TOM1L2: variants seen among roughly 807,000 people sequenced by gnomAD.
TOM1L2 encodes target of myb1 like 2 membrane trafficking protein, also known as TOM1-like protein 2.
TOM1L2 carries 31 observed loss-of-function variants against 67.9 expected under a neutral mutation model. The observed-to-expected ratio is 0.46, with a 90% CI of 0.34 to 0.62. The LOEUF is 0.62. TOM1L2 is among the 20% of genes least tolerant of loss of function. The pLI, the probability that TOM1L2 is intolerant of heterozygous loss-of-function variation, is 0.01. For synonymous variants in TOM1L2, 256 were observed against 254.0 expected, an observed-to-expected ratio of 1.01 and a Z score of -0.07; for missense variants, 606 against 663.5, an observed-to-expected ratio of 0.91 and a Z score of 0.95.
chr17:17,965,759 G>C (rs1568405393), intron 1 of TOM1L2, among the ~76,000 whole-genome samples: 2 of 152,188 alleles, frequency 1.3e-5, no homozygotes, highest in Non-Finnish European at 2.9e-5. Flanking sequence ...TCGAATGACT[G>C]CAAGATGTAT....
At chr17:17,927,319 C>T (rs527317166) in intron 1 of TOM1L2, among the ~76,000 whole-genome samples, 1 of 152,174 alleles carries the variant, frequency 6.6e-6, no homozygotes, top group Non-Finnish European at 1.5e-5. Context: ...ATGTGAGTAA[C>T]GGGCAGAGAG....
intron 12 of TOM1L2, chr17:17,860,105 T>C (rs1450340602): frequency 6.6e-6 from 1 of 152,230 alleles, no homozygotes; most frequent in Non-Finnish European, 1.5e-5. Flanking sequence ...GAGGGACAAA[T>C]GAGGTCAGCC....
intron 1 of TOM1L2, among the ~76,000 whole-genome samples, chr17:17,909,893 G>C (rs1462414371): frequency 6.6e-6 from 1 of 152,156 alleles, no homozygotes; most frequent in African/African-American, 2.4e-5. Context: ...GCTGGGCATA[G>C]TGGCTTGTGC....
intron 14 of TOM1L2, among the ~76,000 whole-genome samples, chr17:17,848,021 C>A (rs539840665): frequency 3.3e-5 from 5 of 151,928 alleles, no homozygotes; most frequent in Non-Finnish European, 7.4e-5. Flanking sequence ...CTCACCCTAC[C>A]GCTGACCATT....
intron 1 of TOM1L2, among the ~76,000 whole-genome samples, chr17:17,930,350 G>C (rs1230052691): frequency 2.0e-5 from 3 of 152,122 alleles, no homozygotes; most frequent in African/African-American, 7.2e-5. Context: ...AGACTCTTGT[G>C]AAAGTGGTTA....
rs1162267534 is a variant in TOM1L2, at chr17:17,866,935, A to G, written c.912-11T>C. 6.2e-7 allele frequency: 1 copy of G among 1,613,652 alleles called. No homozygotes were observed. Among genetic ancestry groups the G allele is most frequent in the Non-Finnish European group, 8.5e-7 (1 of 1,179,810 alleles). On this transcript the variant is annotated splice_polypyrimidine_tract_variant and intron_variant, in intron 8 of 14. Transcript: ENST00000379504. Reference sequence around the variant, plus strand: ...CTGTATCGTTCGAACCTAACAGGGGAAGGGAAAGCAGAAGTAAGGAGAGAG... The same window carrying G: ...CTGTATCGTTCGAACCTAACAGGGGGAGGGAAAGCAGAAGTAAGGAGAGAG...
At chr17:17,916,312 A>T (rs1244422992) in intron 1 of TOM1L2, among the ~76,000 whole-genome samples, 1 of 152,104 alleles carries the variant, frequency 6.6e-6, no homozygotes, top group Non-Finnish European at 1.5e-5. Flanking sequence ...TGACCTCGTG[A>T]TCTGCCTGCC....
Position 17,847,694 on chromosome 17 carries a change from A to C in TOM1L2, c.1465T>G (p.Ser489Ala). ...GGCTTCTTCCGGCCAGAAGGGTTTG[A>C]GGCTGGGGCAGGAGCCTCCATGGGG... The part of the protein sequence containing the change: ...SPPMEAPAPA[S>A]NPSGRKKPER... The change falls in exon 15 of 15, where the codon TCA (serine) becomes GCA (alanine). Residue 489 changes from serine (S) to alanine (A), a missense_variant. Ser to Ala is a moderately conservative substitution (Grantham distance 99). Transcript: ENST00000379504. The C allele has an allele frequency of 6.2e-7, 1 of 1,613,962 alleles. No individual in the cohort carries two copies.
In TOM1L2 at chr17:17,893,714, G is replaced by A; in HGVS notation, c.313C>T (p.Pro105Ser). The A allele has an allele frequency of 6.2e-7, 1 of 1,614,132 alleles. No individual in the cohort carries two copies. Among genetic ancestry groups the A allele is most frequent in the Non-Finnish European group, 8.5e-7 (1 of 1,180,018 alleles). ...IDSVLVKIIS[P>S]KNNPPTIVQD... is the part of the protein sequence containing the mutation. ...ACAATGGTGGGAGGGTTGTTCTTGG[G>A]AGATATAATTTTGACCAGAACACTG... Residue 105 changes from proline (P) to serine (S), a missense_variant, in exon 4 of 15, where the codon CCC becomes TCC. Pro to Ser is a moderately conservative substitution (Grantham distance 74). Coordinates refer to ENST00000379504, the MANE Select transcript of TOM1L2 (RefSeq NM_001082968.2).
chr17:17,874,186 C>T (rs1468910918), intron 7 of TOM1L2, among the ~76,000 whole-genome samples: 1 of 152,042 alleles, frequency 6.6e-6, no homozygotes, highest in African/African-American at 2.4e-5. Context: ...AATATCCTGA[C>T]CTCATGATCT....
chr17:17,858,942 T>A (rs982704348), intron 12 of TOM1L2: 3 of 152,072 alleles, frequency 2.0e-5, no homozygotes, highest in Non-Finnish European at 4.4e-5. Context: ...GTTCTTGAAC[T>A]CCCACCTCGG....
chr17:17,885,431 C>G (rs1257279560), intron 4 of TOM1L2, among the ~76,000 whole-genome samples: 1 of 152,210 alleles, frequency 6.6e-6, no homozygotes, highest in Non-Finnish European at 1.5e-5. Flanking sequence ...GAGTTCACCC[C>G]CAGGGGTCCT....
At chr17:17,877,492 C>A (rs1410111060) in intron 7 of TOM1L2, among the ~76,000 whole-genome samples, 2 of 152,166 alleles carry the variant, frequency 1.3e-5, no homozygotes, top group African/African-American at 4.8e-5. Flanking sequence ...GGTATTTCTC[C>A]ACATGGAAGG....
At chr17:17,894,323 A>G (rs2038448445) in intron 3 of TOM1L2, among the ~76,000 whole-genome samples, 1 of 152,224 alleles carries the variant, frequency 6.6e-6, no homozygotes, top group Non-Finnish European at 1.5e-5. Context: ...AAAATTGGCA[A>G]TGACAAAGGA....
chr17:17,921,065 T>C (rs1409987458), intron 1 of TOM1L2, among the ~76,000 whole-genome samples: 1 of 152,260 alleles, frequency 6.6e-6, no homozygotes, highest in Non-Finnish European at 1.5e-5. Context: ...TTTCTGCTCA[T>C]GATCCGATCC....
rs751763566 is a variant in TOM1L2 at position 17,884,687 on chromosome 17, C to T, written c.448G>A (p.Glu150Lys). ...IYEELKRKGV[E>K]FPMADLDALS... ...GCGTCCAAGTCTGCCATGGGAAATT[C>T]AACCCCTTTCCTCTTCAGCTCCTCA... Residue 150 changes from glutamate to lysine, a missense_variant, in exon 5 of 15, where the codon GAA becomes AAA. By Grantham distance (56) the Glu-to-Lys change is moderately conservative. Coordinates refer to ENST00000379504, the MANE Select transcript of TOM1L2 (RefSeq NM_001082968.2). 1 of 1,613,958 alleles carries T rather than the reference C, an allele frequency of 6.2e-7. No individual in the cohort carries two copies. The highest frequency in any genetic ancestry group is 1.3e-5 in the African/African-American group (1 of 74,912).
At chr17:17,901,172 T>A (rs531986037) in intron 2 of TOM1L2, among the ~76,000 whole-genome samples, 1 of 152,232 alleles carries the variant, frequency 6.6e-6, no homozygotes, top group East Asian at 1.9e-4. Flanking sequence ...CAAGTATTTA[T>A]CTCTCTCCCC....
At chr17:17,938,713 T>A (rs776427516) in intron 1 of TOM1L2, among the ~76,000 whole-genome samples, 7 of 151,786 alleles carry the variant, frequency 4.6e-5, no homozygotes, top group Non-Finnish European at 8.8e-5. Flanking sequence ...ATATCCTACA[T>A]GCCTTAACTC....
chr17:17,886,959 G>A (rs1254553971), intron 4 of TOM1L2, among the ~76,000 whole-genome samples: 3 of 152,234 alleles, frequency 2.0e-5, no homozygotes, highest in Non-Finnish European at 4.4e-5. Context: ...GTAACTCCAG[G>A]GCCATGTGCC....
Sources: allele counts gnomAD v4.1 joint callset (sites outside exome capture counted in the v4.1 genomes callset), GRCh38; gene constraint gnomAD v4.1.1; transcripts MANE v1.5; gene names NCBI Gene and HGNC (gene_info 2026-07-23, HGNC 2026-07-21).